The following EYS variants were observed in gnomAD, a reference collection of about 807,000 sequenced individuals.
EYS encodes the protein protein eyes shut homolog.
A neutral mutation model predicts 282.1 loss-of-function variants in EYS; 250 were observed. The observed-to-expected ratio is 0.89, with a 90% CI of 0.80 to 0.98. EYS has a LOEUF of 0.98. Among genes scored for constraint, EYS ranks in the 50% least tolerant of loss-of-function variants. The pLI is 0.00. For missense variants in EYS, 4,016 were observed against 3,709.0 expected (o/e 1.08, Z -2.15); for synonymous variants, 1,355 against 1,282.9 (o/e 1.06, Z -1.20).
At chr6:65,133,970 A>G (rs1004523396) in intron 12 of EYS, among the ~76,000 whole-genome samples, 1 of 152,126 alleles carries the variant, frequency 6.6e-6, no homozygotes, top group Admixed American at 6.6e-5. Flanking sequence ...TACACTTTTC[A>G]AAAGAAGGCA....
chr6:64,784,660 G>A (rs1773963329), intron 22 of EYS, among the ~76,000 whole-genome samples: 1 of 151,978 alleles, frequency 6.6e-6, no homozygotes, highest in South Asian at 2.1e-4. Context: ...TTATATTACT[G>A]CTTGTTGTTG....
intron 12 of EYS, among the ~76,000 whole-genome samples, chr6:65,084,944 C>G (rs926480262): frequency 3.9e-5 from 6 of 152,044 alleles, no homozygotes; most frequent in African/African-American, 1.4e-4. Flanking sequence ...CTGTCTAAAT[C>G]TCAGGCTATA....
intron 26 of EYS, among the ~76,000 whole-genome samples, chr6:64,548,990 G>T (rs911709181): frequency 2.0e-5 from 3 of 152,052 alleles, no homozygotes; most frequent in Non-Finnish European, 2.9e-5. Flanking sequence ...CTTAATATAT[G>T]ATCATTACTC....
intron 30 of EYS, among the ~76,000 whole-genome samples, chr6:64,285,735 A>C (rs1768476803): frequency 6.6e-6 from 1 of 152,226 alleles, no homozygotes; most frequent in Non-Finnish European, 1.5e-5. Flanking sequence ...TCATAATGGG[A>C]GGTGAAAGCC....
intron 12 of EYS, among the ~76,000 whole-genome samples, chr6:65,181,445 A>G (rs1403792419): frequency 6.6e-6 from 1 of 152,214 alleles, no homozygotes; most frequent in East Asian, 1.9e-4. Flanking sequence ...CAGCCAAAAG[A>G]CACATGAAAA....
At chr6:64,825,067 A>T (rs1020284229) in intron 19 of EYS, among the ~76,000 whole-genome samples, 1 of 152,006 alleles carries the variant, frequency 6.6e-6, no homozygotes, top group African/African-American at 2.4e-5. Flanking sequence ...AGTCTACTTT[A>T]CTTACATTGA....
chr6:64,332,356 T>C (rs771460061), intron 29 of EYS, among the ~76,000 whole-genome samples: 6 of 152,104 alleles, frequency 3.9e-5, no homozygotes. Flanking sequence ...GACCATGTAG[T>C]AAATACAAGG....
intron 26 of EYS, among the ~76,000 whole-genome samples, chr6:64,573,956 A>C (rs527868766): frequency 6.6e-6 from 1 of 151,888 alleles, no homozygotes; most frequent in African/African-American, 2.4e-5. Context: ...AAATAATTCT[A>C]CTATAAAGAC....
chr6:63,992,096 A>G (rs1582092987), intron 34 of EYS, among the ~76,000 whole-genome samples: 3 of 151,878 alleles, frequency 2.0e-5, no homozygotes, highest in Middle Eastern at 3.2e-3. Flanking sequence ...TGCTAAAGGA[A>G]GTTTTTCCAG....
chr6:63,942,024 C>CA (rs1765258398), intron 35 of EYS, among the ~76,000 whole-genome samples: 3 of 152,154 alleles, frequency 2.0e-5, no homozygotes, highest in Admixed American at 6.5e-5. Context: ...AAAGGTGTTG[C>CA]AGTAGTCTAC....
chr6:64,615,681 A>T (rs1019712291), intron 24 of EYS, among the ~76,000 whole-genome samples: 1 of 152,106 alleles, frequency 6.6e-6, no homozygotes, highest in Non-Finnish European at 1.5e-5. Flanking sequence ...AGAATAACTA[A>T]TGCATTAGCA....
At chr6:64,238,116 A>T (rs1218673199) in intron 30 of EYS, among the ~76,000 whole-genome samples, 1 of 152,170 alleles carries the variant, frequency 6.6e-6, no homozygotes, top group Non-Finnish European at 1.5e-5. Context: ...TCTTGTTTTC[A>T]TATTTTCCTA....
At chr6:63,877,024 G>C (rs1425826667) in intron 35 of EYS, among the ~76,000 whole-genome samples, 1 of 152,136 alleles carries the variant, frequency 6.6e-6, no homozygotes, top group African/African-American at 2.4e-5. Flanking sequence ...ATGTTAGCTG[G>C]TTATTTTGCT....
intron 37 of EYS, among the ~76,000 whole-genome samples, chr6:63,793,171 C>A (rs963848376): frequency 1.3e-5 from 2 of 152,050 alleles, no homozygotes; most frequent in African/African-American, 4.8e-5. Context: ...ATCAAGGAAC[C>A]CTATTATTTC....
At chr6:63,984,802 C>T (rs1767279640) in intron 34 of EYS, among the ~76,000 whole-genome samples, 199 bp from the exon 35 acceptor site, 2 of 151,668 alleles carry the variant, frequency 1.3e-5, no homozygotes, top group Admixed American at 1.3e-4. Context: ...TTTTACATCT[C>T]TTTTTTAGCT....
chr6:65,325,578 T>C (rs550847412), intron 11 of EYS, among the ~76,000 whole-genome samples: 1 of 152,208 alleles, frequency 6.6e-6, no homozygotes, highest in African/African-American at 2.4e-5. Flanking sequence ...CTAAAGTCAC[T>C]CAGATTCAAA....
At chr6:63,951,716 A>G (rs540837861) in intron 35 of EYS, among the ~76,000 whole-genome samples, 53 of 152,078 alleles carry the variant, frequency 3.5e-4, no homozygotes, top group Non-Finnish European at 7.1e-4. Flanking sequence ...TACCTGCCCA[A>G]CAATTTCATC....
intron 29 of EYS, among the ~76,000 whole-genome samples, chr6:64,372,138 T>TTTTTTG (rs1772397513): frequency 2.1e-4 from 5 of 24,222 alleles, no homozygotes; most frequent in African/African-American, 4.4e-4. Flanking sequence ...GTGTTTTTTT[T>TTTTTTG]TTTTTTTTTT....
At chr6:64,304,335 A>T (rs969052197) in intron 30 of EYS, among the ~76,000 whole-genome samples, 1 of 152,234 alleles carries the variant, frequency 6.6e-6, no homozygotes, top group Non-Finnish European at 1.5e-5. Flanking sequence ...CAATTGTACA[A>T]TAATAGTGGA....
Sources: gnomAD v4.1 joint callset for allele counts (sites outside exome capture counted in the v4.1 genomes callset) on GRCh38, gnomAD v4.1.1 for gene constraint, MANE v1.5 for transcripts, NCBI Gene and HGNC (gene_info 2026-07-23, HGNC 2026-07-21) for gene names.